SVOPL: variants seen among roughly 807,000 people sequenced by gnomAD.
SVOPL encodes SVOP like.
Under a neutral mutation model 61.0 loss-of-function variants are expected in SVOPL, and 60 were observed. The observed-to-expected ratio is 0.98, with a 90% CI of 0.80 to 1.22. SVOPL has a LOEUF of 1.22. Among genes scored for constraint, SVOPL ranks in the 50% most tolerant of loss-of-function variants. The probability of loss-of-function intolerance (pLI) is 0.00; values close to 1 mark genes in which losing one functional copy is unlikely to be tolerated. For missense variants in SVOPL, 662 were observed against 643.9 expected (o/e 1.03, Z -0.30); for synonymous variants, 279 against 250.0 (o/e 1.12, Z -1.09).
intron 14 of SVOPL, among the ~76,000 whole-genome samples, chr7:138,609,932 T>C (rs1167631107): frequency 6.6e-6 from 1 of 152,168 alleles, no homozygotes; most frequent in Non-Finnish European, 1.5e-5. Context: ...TTTTGCCATG[T>C]TGGCCAGGCT....
In SVOPL at chr7:138,628,143, C is replaced by A. The variant is rs1343240937; in HGVS notation, c.1069+15G>T. 3.7e-6 allele frequency: 6 copies of A among 1,614,120 alleles called. No individual in the cohort carries two copies. The Admixed American group carries it at 1.0e-4, about 27-fold the overall frequency. On this transcript the variant is annotated intron_variant, in intron 11 of 15. Coordinates refer to ENST00000674285, the MANE Select transcript of SVOPL (RefSeq NM_001139456.2). ...ACCCAAGACAGAGAGACCCAACACG[C>A]AGAGGGACACTTACAAGCAATTTCA...
intron 5 of SVOPL, 96 bp downstream of exon 5, chr7:138,662,978 G>T: frequency 1.9e-6 from 3 of 1,578,442 alleles, no homozygotes; most frequent in Non-Finnish European, 2.6e-6. Context: ...TTGGGTATTG[G>T]GAGGGAGATG....
intron 14 of SVOPL, among the ~76,000 whole-genome samples, chr7:138,601,891 TTA>T (rs35544782): frequency 0.66 from 100,201 of 151,828 alleles, 34,027 homozygotes; most frequent in African/African-American, 0.83. Context: ...TTTGCCTGTT[TTA>T]TGTTTTCATA....
At position 138,690,016 on chromosome 7, in the gene SVOPL, A is replaced by G. The variant is rs143063232; in HGVS notation, c.-34-10937T>C. Among the ~76,000 whole-genome samples the G allele has an allele frequency of 3.5e-3, 526 of 152,130 alleles. 8 individuals carry two copies. Among genetic ancestry groups the G allele is most frequent in the African/African-American group, 0.012 (510 of 41,500 alleles). On this transcript the variant is annotated intron_variant, in intron 1 of 15. Coordinates refer to ENST00000674285, the MANE Select transcript of SVOPL (RefSeq NM_001139456.2). ...GCAGATATGGGGGTGATGCATCTAT[A>G]AGCCAAGGAACCCCAAGGGGTGCCA... is the stretch of plus-strand genomic sequence containing the variant.
intron 4 of SVOPL, among the ~76,000 whole-genome samples, chr7:138,666,370 T>C (rs1802261621): frequency 6.6e-6 from 1 of 152,230 alleles, no homozygotes; most frequent in African/African-American, 2.4e-5. Flanking sequence ...GTCACTTTAT[T>C]ACAAGTCTAA....
At chr7:138,671,017 C>T (rs1025754406) in intron 4 of SVOPL, among the ~76,000 whole-genome samples, 20 of 152,078 alleles carry the variant, frequency 1.3e-4, no homozygotes, top group Admixed American at 7.9e-4. Flanking sequence ...GTCAATCATG[C>T]TATTATGTTG....
chr7:138,669,744 G>A (rs955371819), intron 4 of SVOPL, among the ~76,000 whole-genome samples: 2 of 152,142 alleles, frequency 1.3e-5, no homozygotes, highest in Non-Finnish European at 2.9e-5. Context: ...GGCTATATAC[G>A]TTTCTGTCCC....
At chr7:138,649,401 C>G (rs1323835257) in intron 7 of SVOPL, among the ~76,000 whole-genome samples, 1 of 152,106 alleles carries the variant, frequency 6.6e-6, no homozygotes, top group East Asian at 1.9e-4. Flanking sequence ...TCAAATGATT[C>G]TCATGCCTCA....
chr7:138,648,257 G>C (rs1801222733), intron 8 of SVOPL, among the ~76,000 whole-genome samples: 1 of 152,084 alleles, frequency 6.6e-6, no homozygotes, highest in African/African-American at 2.4e-5. Context: ...AACGAGGCAG[G>C]CTAAGGGAGG....
chr7:138,620,668 G>A (rs1267708249), intron 14 of SVOPL, among the ~76,000 whole-genome samples: 1 of 151,870 alleles, frequency 6.6e-6, no homozygotes, highest in Non-Finnish European at 1.5e-5. Context: ...CCTTACTCTC[G>A]GGCTCTGTTT....
intron 9 of SVOPL, among the ~76,000 whole-genome samples, chr7:138,641,120 G>C (rs76335457): frequency 0.017 from 2,574 of 151,830 alleles, 87 homozygotes; most frequent in East Asian, 0.15. Flanking sequence ...GGAGGATCGA[G>C]CCTGGAAGGT....
intron 1 of SVOPL, among the ~76,000 whole-genome samples, chr7:138,695,618 C>G (rs1214816176): frequency 6.6e-6 from 1 of 151,974 alleles, no homozygotes; most frequent in Non-Finnish European, 1.5e-5. Context: ...GTCTTGAGAC[C>G]TGGGGGGGCT....
At chr7:138,639,277 A>C (rs1334310266) in intron 9 of SVOPL, among the ~76,000 whole-genome samples, 1 of 151,884 alleles carries the variant, frequency 6.6e-6, no homozygotes, top group Non-Finnish European at 1.5e-5. Flanking sequence ...AATAAATAAA[A>C]ATAAATGAAA....
At position 138,594,568 on chromosome 7, in the gene SVOPL, G is replaced by C. The variant is rs376080789; in HGVS notation, c.*42C>G. On this transcript the variant is annotated 3_prime_UTR_variant, in exon 16 of 16. Transcript: ENST00000674285. Reference sequence around the variant, plus strand: ...AAAATGCACCGCAGTTCTGAAGATAGAATTCATTTTTCTCATCTGGTAGAC... The same window carrying C: ...AAAATGCACCGCAGTTCTGAAGATACAATTCATTTTTCTCATCTGGTAGAC... 9 of 1,580,442 alleles carry C rather than the reference G, an allele frequency of 5.7e-6. No homozygotes were observed. The South Asian group carries it at 9.4e-5, about 16-fold the overall frequency.
intron 1 of SVOPL, among the ~76,000 whole-genome samples, chr7:138,696,155 T>C (rs970847584): frequency 3.9e-5 from 6 of 152,200 alleles, no homozygotes; most frequent in African/African-American, 1.4e-4. Flanking sequence ...ACTGAGGACA[T>C]GTTGACATGT....
chr7:138,632,510 T>A (rs1800255794), intron 9 of SVOPL, among the ~76,000 whole-genome samples: 1 of 150,974 alleles, frequency 6.6e-6, no homozygotes, highest in Admixed American at 6.6e-5. Context: ...AGCTGAAGGC[T>A]TGAGAAGGAA....
chr7:138,661,381 A>G (rs1801992541), intron 5 of SVOPL: 2 of 985,326 alleles, frequency 2.0e-6, no homozygotes, highest in African/African-American at 1.7e-5. Context: ...AACTCCGTAC[A>G]TCCATCAACT....
intron 7 of SVOPL, 122 bp from the exon 8 acceptor site, chr7:138,649,259 C>A: frequency 7.7e-7 from 1 of 1,299,012 alleles, no homozygotes; most frequent in African/African-American, 1.5e-5. Context: ...CTTCACATAT[C>A]TTCTTTTGGG....
intron 1 of SVOPL, among the ~76,000 whole-genome samples, chr7:138,696,614 G>C (rs543435617): frequency 1.5e-4 from 23 of 152,098 alleles, no homozygotes; most frequent in African/African-American, 5.5e-4. Flanking sequence ...GGTAGAGATG[G>C]GATTTCACCA....
Sources: allele counts gnomAD v4.1 joint callset (sites outside exome capture counted in the v4.1 genomes callset), GRCh38; gene constraint gnomAD v4.1.1; transcripts MANE v1.5; gene names NCBI Gene and HGNC (gene_info 2026-07-23, HGNC 2026-07-21).